CSMD1: variants seen among roughly 807,000 people sequenced by gnomAD.
CSMD1 encodes the protein CUB and Sushi multiple domains 1, also known as CUB and sushi domain-containing protein 1.
In CSMD1, 213 loss-of-function variants were observed where a neutral mutation model predicts 417.5. The ratio of observed to expected loss-of-function variants is 0.51; its 90% CI spans 0.46 to 0.57. The LOEUF is 0.57. Ranked by LOEUF, CSMD1 falls within the 20% of genes least tolerant of loss-of-function variation. The probability of loss-of-function intolerance (pLI) is 0.00; values close to 1 mark genes in which losing one functional copy is unlikely to be tolerated. For synonymous variants in CSMD1, 2,862 were observed against 1,736.8 expected, an observed-to-expected ratio of 1.65 and a Z score of -16.11; for missense variants, 6,923 against 4,529.7, an observed-to-expected ratio of 1.53 and a Z score of -15.17.
At chr8:3,295,543 G>T (rs1047074029) in intron 25 of CSMD1, among the ~76,000 whole-genome samples, 1 of 152,184 alleles carries the variant, frequency 6.6e-6, no homozygotes, top group African/African-American at 2.4e-5. Context: ...CTAAAGGTCA[G>T]TTTGTTTCTA....
At chr8:4,220,398 C>T (rs972139228) in intron 3 of CSMD1, among the ~76,000 whole-genome samples, 7 of 152,256 alleles carry the variant, frequency 4.6e-5, no homozygotes, top group South Asian at 4.1e-4. Context: ...CTCTAGACAA[C>T]GGTTAGTGTT....
chr8:4,139,369 A>G lies in CSMD1; in HGVS notation c.416-107270T>C, dbSNP rs575834509. 4.6e-5 allele frequency among the ~76,000 whole-genome samples: 7 copies of G among 152,234 alleles called. 1 individual carries two copies. The South Asian group carries it at 1.4e-3, about 32-fold the overall frequency. On this transcript the variant is annotated intron_variant, in intron 3 of 69. Transcript: ENST00000635120. ...ATTTTTTGACCAGGTAGAGGGTATC[A>G]CAGTGGTGTTTGAGCTGCTTTTAAG... is the stretch of plus-strand genomic sequence containing the variant.
chr8:3,713,579 C>G (rs542611849), intron 6 of CSMD1, among the ~76,000 whole-genome samples: 1 of 152,258 alleles, frequency 6.6e-6, no homozygotes, highest in East Asian at 1.9e-4. Context: ...CTTAGGAAAC[C>G]AAGTCGTATC....
chr8:3,614,618 A>G (rs1802048418), intron 8 of CSMD1, among the ~76,000 whole-genome samples: 1 of 152,216 alleles, frequency 6.6e-6, no homozygotes, highest in Non-Finnish European at 1.5e-5. Flanking sequence ...TGATATTCTC[A>G]GATATGAGTT....
At position 4,615,183 on chromosome 8, in the gene CSMD1, A is replaced by G. The variant is rs1563336368; in HGVS notation, c.302+22159T>C. ...ATTTCAAATCTATTATCGCCCTTACACTCTCCATGCAAAGAGAAACAGAAG... is the reference window on the plus strand; with the variant it reads ...ATTTCAAATCTATTATCGCCCTTACGCTCTCCATGCAAAGAGAAACAGAAG... On this transcript the variant is annotated intron_variant, in intron 2 of 69. Transcript: ENST00000635120. 3.9e-5 allele frequency among the ~76,000 whole-genome samples: 6 copies of G among 152,186 alleles called. No homozygotes were observed. In the South Asian group the frequency reaches 1.2e-3, roughly 32 times the overall value.
intron 7 of CSMD1, among the ~76,000 whole-genome samples, chr8:3,619,110 G>A (rs965341595): frequency 6.7e-6 from 1 of 148,956 alleles, no homozygotes; most frequent in African/African-American, 2.6e-5. Flanking sequence ...GAATACAATA[G>A]AACACATATC....
intron 12 of CSMD1, among the ~76,000 whole-genome samples, chr8:3,420,974 T>G (rs987797266): frequency 4.3e-4 from 65 of 152,170 alleles, no homozygotes; most frequent in African/African-American, 1.5e-3. Context: ...TACTGCCTAT[T>G]TATAGTTTTC....
intron 1 of CSMD1, among the ~76,000 whole-genome samples, chr8:4,753,396 C>G (rs1811464498): frequency 7.1e-6 from 1 of 141,790 alleles, no homozygotes; most frequent in Non-Finnish European, 1.5e-5. Flanking sequence ...CTACTTTCCA[C>G]CATAAACCAC....
intron 3 of CSMD1, among the ~76,000 whole-genome samples, chr8:4,285,932 A>C (rs574757773): frequency 2.0e-5 from 3 of 152,274 alleles, no homozygotes; most frequent in African/African-American, 7.2e-5. Flanking sequence ...AAACCTTTTA[A>C]GTGGCTATGA....
intron 1 of CSMD1, among the ~76,000 whole-genome samples, chr8:4,710,216 G>A (rs1457264895): frequency 6.6e-6 from 1 of 151,762 alleles, no homozygotes. Flanking sequence ...CGTATCTTCA[G>A]TGTGCTCTTA....
At chr8:3,466,355 C>A (rs988399517) in intron 12 of CSMD1, among the ~76,000 whole-genome samples, 4 of 152,028 alleles carry the variant, frequency 2.6e-5, no homozygotes, top group South Asian at 2.1e-4. Flanking sequence ...CAGGCAACAT[C>A]AAAACGTAGA....
chr8:4,926,429 A>C (rs549334077), intron 1 of CSMD1, among the ~76,000 whole-genome samples: 1 of 152,294 alleles, frequency 6.6e-6, no homozygotes, highest in East Asian at 1.9e-4. Context: ...ATTCTCTCAC[A>C]CTTAATACTG....
intron 23 of CSMD1, among the ~76,000 whole-genome samples, chr8:3,320,161 A>G (rs1456332066): frequency 6.6e-6 from 1 of 152,166 alleles, no homozygotes. Context: ...AATCCTGAAA[A>G]TCACCTACAA....
intron 3 of CSMD1, among the ~76,000 whole-genome samples, chr8:4,317,587 G>A (rs551640437): frequency 0.01 from 1,514 of 149,914 alleles, 14 homozygotes; most frequent in Non-Finnish European, 0.018. Flanking sequence ...GTACTCAAGA[G>A]AGAGAGAGGA....
chr8:4,374,858 G>T (rs1399570524), intron 3 of CSMD1, among the ~76,000 whole-genome samples: 2 of 148,790 alleles, frequency 1.3e-5, no homozygotes, highest in Admixed American at 6.9e-5. Flanking sequence ...AGAACCTAGG[G>T]GCTAATTAAA....
At chr8:3,897,190 G>C (rs879537097) in intron 5 of CSMD1, among the ~76,000 whole-genome samples, 14 of 152,158 alleles carry the variant, frequency 9.2e-5, no homozygotes, top group South Asian at 2.1e-4. Context: ...TAGCACAATG[G>C]TGTCAAGAAG....
At chr8:4,024,955 T>C (rs931763239) in intron 4 of CSMD1, among the ~76,000 whole-genome samples, 33 of 152,336 alleles carry the variant, frequency 2.2e-4, no homozygotes, top group Non-Finnish European at 8.8e-5. Flanking sequence ...TGAATCTTTG[T>C]CTGAAGTACG....
intron 2 of CSMD1, among the ~76,000 whole-genome samples, chr8:4,505,437 C>G (rs546824136): frequency 1.3e-5 from 2 of 152,130 alleles, no homozygotes; most frequent in African/African-American, 4.8e-5. Context: ...CAAAATATCT[C>G]GATTTAAACA....
At chr8:4,950,719 T>C (rs562725488) in intron 1 of CSMD1, among the ~76,000 whole-genome samples, 1 of 152,160 alleles carries the variant, frequency 6.6e-6, no homozygotes, top group Non-Finnish European at 1.5e-5. Flanking sequence ...GAGTTGGTCA[T>C]TGAATACCAC....
Sources: allele counts gnomAD v4.1 joint callset (sites outside exome capture counted in the v4.1 genomes callset), GRCh38; gene constraint gnomAD v4.1.1; transcripts MANE v1.5; gene names NCBI Gene and HGNC (gene_info 2026-07-23, HGNC 2026-07-21).